The following DDX42 variants were observed in gnomAD, a reference collection of about 807,000 sequenced individuals.
DDX42 encodes DEAD-box helicase 42.
DDX42 carries 22 observed loss-of-function variants against 101.5 expected under a neutral mutation model. That is an observed-to-expected ratio of 0.22 (90% CI 0.15 to 0.31). DDX42 has a LOEUF of 0.31. Among genes scored for constraint, DDX42 ranks in the 10% least tolerant of loss-of-function variants. The pLI is 1.00. For missense variants in DDX42, 849 were observed against 1,199.9 expected (o/e 0.71, Z 4.32); for synonymous variants, 402 against 401.2 (o/e 1.00, Z -0.02).
chr17:63,792,656 G>T, intron 3 of DDX42, 94 bp downstream of exon 3: 5 of 1,359,198 alleles, frequency 3.7e-6, no homozygotes, highest in East Asian at 2.7e-5. Flanking sequence ...TTGTTTTCTA[G>T]TCTTATTATT....
At chr17:63,811,055 A>AGAATTT (rs756155322) in intron 12 of DDX42, 21 bp from the exon 13 acceptor site, 33 of 1,604,378 alleles carry the variant, frequency 2.1e-5, no homozygotes, top group Admixed American at 1.0e-4. Flanking sequence ...TTTCTCTAAC[A>AGAATTT]GAATTTATCT....
Position 63,792,568 on chromosome 17 carries a change from T to C in DDX42, c.372+6T>C, listed in dbSNP as rs375088121. On this transcript the variant is annotated splice_donor_region_variant and intron_variant, in intron 3 of 17. Coordinates refer to ENST00000389924, the MANE Select transcript of DDX42 (RefSeq NM_203499.3). ...CATTCATGGCTGAAGTGGAGGCAAGTATCAACATGTTTCATTAAAATATTT... is the reference window on the plus strand; with the variant it reads ...CATTCATGGCTGAAGTGGAGGCAAGCATCAACATGTTTCATTAAAATATTT... 758 of 1,604,618 alleles carry C rather than the reference T, an allele frequency of 4.7e-4. 2 individuals carry two copies. Among genetic ancestry groups the C allele is most frequent in the Non-Finnish European group, 6.1e-4 (721 of 1,175,714 alleles).
Position 63,777,308 on chromosome 17 carries a change from A to G in DDX42, c.-17+2932A>G, listed in dbSNP as rs538244760. 2.0e-5 allele frequency among the ~76,000 whole-genome samples: 3 copies of G among 151,552 alleles called. No homozygotes were observed. The East Asian group carries it at 5.8e-4, about 29-fold the overall frequency. On this transcript the variant is annotated intron_variant, in intron 1 of 17. Coordinates refer to ENST00000389924, the MANE Select transcript of DDX42 (RefSeq NM_203499.3). The stretch of plus-strand genomic sequence containing the variant: ...TTGTAGATCTCCTTTAGTCTTTTAC[A>G]TATTGAATAAATGAGTATCTAATAT...
Position 63,787,228 on chromosome 17 carries a change from A to G in DDX42, c.179A>G (p.Tyr60Cys). 1.2e-6 allele frequency: 2 copies of G among 1,614,174 alleles called. No individual in the cohort carries two copies. Among genetic ancestry groups the G allele is most frequent in the Non-Finnish European group, 1.7e-6 (2 of 1,180,014 alleles). The change falls in exon 2 of 18, where the codon TAC (tyrosine) becomes TGC (cysteine). Residue 60 changes from tyrosine to cysteine, a missense_variant. Physicochemically the swap from Tyr to Cys is radical, Grantham distance 194 (BLOSUM62 -2). This residue lies in a region of DDX42 where 92 missense variants were observed against 106.7 expected (regional missense o/e 0.86). Coordinates refer to ENST00000389924, the MANE Select transcript of DDX42 (RefSeq NM_203499.3). ...KSAPPQLPSF[Y>C]KIGSKRANFD... ...GCTCCACCACAGCTTCCTTCTTTCT[A>G]CAAAATTGGATCTAAGCGGGCCAAC...
chr17:63,788,589 T>C (rs1213167188), intron 2 of DDX42, among the ~76,000 whole-genome samples: 1 of 152,146 alleles, frequency 6.6e-6, no homozygotes, highest in Non-Finnish European at 1.5e-5. Flanking sequence ...TATACAGGCG[T>C]GAGCCACTGG....
In DDX42 at chr17:63,813,419, C is replaced by T. The variant is rs1412070452; in HGVS notation, c.1867C>T (p.His623Tyr). The T allele has an allele frequency of 6.2e-7, 1 of 1,614,158 alleles. No homozygotes were observed. Among genetic ancestry groups the T allele is most frequent in the Non-Finnish European group, 8.5e-7 (1 of 1,180,010 alleles). The change falls in exon 15 of 18, where the codon CAC (histidine) becomes TAC (tyrosine). Residue 623 changes from histidine (H) to tyrosine (Y), a missense_variant. By Grantham distance (83) the His-to-Tyr change is moderately conservative. Transcript: ENST00000389924. ...CCGGAACTTGGAAGGAGCCAATCAACACGTTTCTAAGGAACTCCTAGATCT... is the reference window on the plus strand; with the variant it reads ...CCGGAACTTGGAAGGAGCCAATCAATACGTTTCTAAGGAACTCCTAGATCT... ...LVRNLEGANQ[H>Y]VSKELLDLAM...
chr17:63,791,414 C>A (rs1370043583), intron 2 of DDX42, among the ~76,000 whole-genome samples: 1 of 152,164 alleles, frequency 6.6e-6, no homozygotes, highest in African/African-American at 2.4e-5. Flanking sequence ...TGGGTTCAAG[C>A]AGTTCTCTTG....
intron 6 of DDX42, 133 bp from the exon 7 acceptor site, chr17:63,804,938 T>C (rs2039820539): frequency 9.0e-7 from 1 of 1,113,430 alleles, no homozygotes; most frequent in Admixed American, 3.2e-5. Flanking sequence ...TGAGAATAAA[T>C]TAATTTTTTT....
chr17:63,810,852 CAA>C (rs968154277), intron 12 of DDX42, among the ~76,000 whole-genome samples: 4 of 152,118 alleles, frequency 2.6e-5, no homozygotes, highest in African/African-American at 7.2e-5. Flanking sequence ...GATTTGAAAT[CAA>C]GAGTCTTTTT....
At chr17:63,811,285 A>G in intron 13 of DDX42, 112 bp downstream of exon 13, 1 of 796,434 alleles carries the variant, frequency 1.3e-6, no homozygotes, top group Non-Finnish European at 1.9e-6. Context: ...ATGTTTATAG[A>G]TGCAACATGC....
chr17:63,799,449 A>G (rs2039735136), intron 4 of DDX42, 140 bp from the exon 5 acceptor site: 1 of 794,964 alleles, frequency 1.3e-6, no homozygotes, highest in Non-Finnish European at 2.1e-6. Context: ...GATAGTTTAT[A>G]GTGTGCTCAT....
At chr17:63,812,542 G>A (rs1242843873) in intron 14 of DDX42, among the ~76,000 whole-genome samples, 1 of 152,162 alleles carries the variant, frequency 6.6e-6, no homozygotes, top group Non-Finnish European at 1.5e-5. Flanking sequence ...GCTTAGTTGG[G>A]CAACTTAACT....
intron 6 of DDX42, among the ~76,000 whole-genome samples, chr17:63,800,885 TTTTC>T (rs1232123444): frequency 3.3e-5 from 5 of 151,928 alleles, no homozygotes; most frequent in Admixed American, 6.6e-5. Flanking sequence ...TATTTCTTTC[TTTTC>T]TTTCTTTCTC....
At chr17:63,810,296 T>G in intron 11 of DDX42, 3 of 261,848 alleles carry the variant, frequency 1.1e-5, no homozygotes, top group Non-Finnish European at 7.2e-6. Flanking sequence ...GAGATAGCTG[T>G]GTTGACCAGG....
intron 13 of DDX42, 149 bp downstream of exon 13, chr17:63,811,322 G>A (rs560313386): frequency 3.4e-6 from 2 of 585,102 alleles, no homozygotes; most frequent in Non-Finnish European, 2.8e-6. Context: ...TGCAAGTTGT[G>A]GGGATAGACG....
At chr17:63,794,201 T>C (rs979659953) in intron 3 of DDX42, among the ~76,000 whole-genome samples, 1 of 152,172 alleles carries the variant, frequency 6.6e-6, no homozygotes, top group Non-Finnish European at 1.5e-5. Flanking sequence ...TACAGGTTAA[T>C]TAGACCAAAA....
chr17:63,792,309 T>C (rs2144547910), intron 2 of DDX42, 103 bp from the exon 3 acceptor site: 1 of 1,283,932 alleles, frequency 7.8e-7, no homozygotes, highest in East Asian at 2.4e-5. Flanking sequence ...CTGCATTACA[T>C]CTCCTAATAA....
At chr17:63,777,134 C>G (rs1047887673) in intron 1 of DDX42, among the ~76,000 whole-genome samples, 16 of 151,972 alleles carry the variant, frequency 1.1e-4, no homozygotes, top group Admixed American at 5.2e-4. Flanking sequence ...GTCTCAAACT[C>G]GTGGCCTTAA....
chr17:63,780,474 A>G (rs747167699), intron 1 of DDX42, among the ~76,000 whole-genome samples: 3 of 152,204 alleles, frequency 2.0e-5, no homozygotes, highest in Non-Finnish European at 4.4e-5. Flanking sequence ...GCCTGAATAC[A>G]TTACATTTAT....
Sources: allele counts gnomAD v4.1 joint callset (sites outside exome capture counted in the v4.1 genomes callset), GRCh38; gene constraint gnomAD v4.1.1; regional missense constraint gnomAD v4.1.1; transcripts MANE v1.5; gene names NCBI Gene and HGNC (gene_info 2026-07-23, HGNC 2026-07-21).